CDH10: variants seen among roughly 807,000 people sequenced by gnomAD.
CDH10 encodes cadherin-10.
CDH10 carries 30 observed loss-of-function variants against 73.1 expected under a neutral mutation model. That is an observed-to-expected ratio of 0.41 (90% CI 0.31 to 0.56). The LOEUF (loss-of-function observed/expected upper bound fraction) is 0.56. Among genes scored for constraint, CDH10 ranks in the 20% least tolerant of loss-of-function variants. CDH10 has a pLI of 0.27. For missense variants in CDH10, 815 were observed against 973.7 expected, an observed-to-expected ratio of 0.84 and a Z score of 2.17; for synonymous variants, 345 against 348.2, an observed-to-expected ratio of 0.99 and a Z score of 0.10.
At chr5:24,520,037 C>G (rs1434387718) in intron 5 of CDH10, among the ~76,000 whole-genome samples, 1 of 152,152 alleles carries the variant, frequency 6.6e-6, no homozygotes, top group East Asian at 1.9e-4. Context: ...TTAATTGCTC[C>G]TTTTCATAAA....
intron 1 of CDH10, among the ~76,000 whole-genome samples, chr5:24,609,595 G>C (rs1397083831): frequency 1.3e-5 from 2 of 152,162 alleles, no homozygotes; most frequent in East Asian, 3.9e-4. Flanking sequence ...AACTCTGAAA[G>C]TGTCTATCAA....
rs545103077 is a variant in CDH10, at chr5:24,548,439, C to T, written c.232-10765G>A. On this transcript the variant is annotated intron_variant, in intron 2 of 11. Coordinates refer to ENST00000264463, the MANE Select transcript of CDH10 (RefSeq NM_006727.5). ...CCCAGCCAAGGGAACCTCAGCAGAGCTTCTATGCTATAGTCTTGAGATAGA... is the reference window on the plus strand; with the variant it reads ...CCCAGCCAAGGGAACCTCAGCAGAGTTTCTATGCTATAGTCTTGAGATAGA... 5.4e-5 allele frequency among the ~76,000 whole-genome samples: 8 copies of T among 148,470 alleles called. No individual in the cohort carries two copies. The South Asian group carries it at 1.5e-3, about 28-fold the overall frequency.
chr5:24,549,532 C>T (rs944332961), intron 2 of CDH10, among the ~76,000 whole-genome samples: 3 of 147,588 alleles, frequency 2.0e-5, no homozygotes, highest in African/African-American at 7.4e-5. Context: ...ATAACAGAAG[C>T]CAATACACAA....
chr5:24,518,157 C>T (rs1351367205), intron 5 of CDH10, among the ~76,000 whole-genome samples: 3 of 152,136 alleles, frequency 2.0e-5, no homozygotes, highest in African/African-American at 7.2e-5. Flanking sequence ...ACTAAGAGGA[C>T]GTTTCCTGGC....
intron 2 of CDH10, among the ~76,000 whole-genome samples, chr5:24,570,340 A>C (rs539895350): frequency 6.6e-6 from 1 of 152,220 alleles, no homozygotes; most frequent in African/African-American, 2.4e-5. Context: ...GAGCGTTACT[A>C]CAGTTGTACG....
chr5:24,548,063 T>C (rs945355284), intron 2 of CDH10, among the ~76,000 whole-genome samples: 1 of 152,148 alleles, frequency 6.6e-6, no homozygotes, highest in Non-Finnish European at 1.5e-5. Context: ...TAAGCGTTGA[T>C]ATTCCAGTCT....
chr5:24,623,388 A>G (rs1007731591), intron 1 of CDH10, among the ~76,000 whole-genome samples: 1 of 152,240 alleles, frequency 6.6e-6, no homozygotes, highest in African/African-American at 2.4e-5. Flanking sequence ...ACAAATGTAC[A>G]GCGCCAGGCC....
At chr5:24,597,736 T>C (rs1490671758) in intron 1 of CDH10, among the ~76,000 whole-genome samples, 1 of 152,052 alleles carries the variant, frequency 6.6e-6, no homozygotes, top group Non-Finnish European at 1.5e-5. Context: ...CTATAACCTG[T>C]TAATTTTATT....
At chr5:24,509,493 C>A in intron 7 of CDH10, 73 bp downstream of exon 7, 1 of 1,383,348 alleles carries the variant, frequency 7.2e-7, no homozygotes, top group Non-Finnish European at 1.0e-6. Context: ...CCCGCCTCGG[C>A]CTCCCAAAGT....
chr5:24,517,578 TTTG>T (rs762832138), intron 5 of CDH10, among the ~76,000 whole-genome samples: 5 of 116,044 alleles, frequency 4.3e-5, no homozygotes, highest in Non-Finnish European at 7.9e-5. Flanking sequence ...TTGAATCATA[TTTG>T]TTTTTGACAA....
At chr5:24,612,031 CA>C (rs1746966821) in intron 1 of CDH10, 1 of 152,232 alleles carries the variant, frequency 6.6e-6, no homozygotes, top group East Asian at 1.9e-4. Flanking sequence ...TGGATCCAAG[CA>C]AAGCCTGCCT....
At chr5:24,547,478 G>C (rs570485325) in intron 2 of CDH10, among the ~76,000 whole-genome samples, 3 of 152,008 alleles carry the variant, frequency 2.0e-5, no homozygotes, top group African/African-American at 7.3e-5. Flanking sequence ...CCAAGGAAAG[G>C]GCACTTCTAG....
At chr5:24,492,971 T>C (rs367637888) in intron 9 of CDH10, 46 bp from the exon 10 acceptor site, 2 of 800,280 alleles carry the variant, frequency 2.5e-6, no homozygotes, top group Non-Finnish European at 4.5e-6. Context: ...CTCTTATCCA[T>C]GGGTATAATC....
At chr5:24,504,997 A>G in intron 8 of CDH10, 115 bp downstream of exon 8, 2 of 757,596 alleles carry the variant, frequency 2.6e-6, no homozygotes, top group Non-Finnish European at 4.1e-6. Flanking sequence ...CATCTGTCCA[A>G]TGAGAATGAA....
intron 1 of CDH10, among the ~76,000 whole-genome samples, chr5:24,602,530 A>G (rs186404461): frequency 1.6e-4 from 25 of 152,236 alleles, no homozygotes; most frequent in African/African-American, 5.8e-4. Context: ...GTGCATGGTG[A>G]TACTTACTAC....
intron 1 of CDH10, among the ~76,000 whole-genome samples, chr5:24,643,970 C>T (rs1281680202): frequency 6.6e-6 from 1 of 152,150 alleles, no homozygotes; most frequent in Admixed American, 6.6e-5. Context: ...CCTCTCTCCC[C>T]CCAATACTTC....
At chr5:24,507,169 C>T (rs1005517872) in intron 7 of CDH10, among the ~76,000 whole-genome samples, 1 of 151,954 alleles carries the variant, frequency 6.6e-6, no homozygotes, top group Non-Finnish European at 1.5e-5. Flanking sequence ...CCCATAACAA[C>T]ATATTGCATT....
chr5:24,518,583 T>C (rs1743195915), intron 5 of CDH10, among the ~76,000 whole-genome samples: 1 of 152,074 alleles, frequency 6.6e-6, no homozygotes. Context: ...CAGTCTTTAG[T>C]AAAAATAAAC....
At chr5:24,640,028 TA>T (rs2112218364) in intron 1 of CDH10, among the ~76,000 whole-genome samples, 1 of 151,894 alleles carries the variant, frequency 6.6e-6, no homozygotes, top group Non-Finnish European at 1.5e-5. Context: ...TGCTTTCATT[TA>T]AAAGAATAGA....
Sources: gnomAD v4.1 joint callset for allele counts (sites outside exome capture counted in the v4.1 genomes callset) on GRCh38, gnomAD v4.1.1 for gene constraint, MANE v1.5 for transcripts, NCBI Gene and HGNC (gene_info 2026-07-23, HGNC 2026-07-21) for gene names.